The following ADD2 variants were observed in gnomAD, a reference collection of about 807,000 sequenced individuals.
ADD2 encodes adducin 2.
A neutral mutation model predicts 83.0 loss-of-function variants in ADD2; 23 were observed. The observed-to-expected ratio is 0.28, with a 90% CI of 0.20 to 0.39. The LOEUF (loss-of-function observed/expected upper bound fraction) is 0.39, where lower values mean the gene tolerates loss of function less well. Ranked by LOEUF, ADD2 falls within the 10% of genes least tolerant of loss-of-function variation. The pLI is 1.00. For missense variants in ADD2, 758 were observed against 944.9 expected, an observed-to-expected ratio of 0.80 and a Z score of 2.59; for synonymous variants, 375 against 375.4, an observed-to-expected ratio of 1.00 and a Z score of 0.01.
chr2:70,734,338 A>T (rs1673419502), intron 1 of ADD2, among the ~76,000 whole-genome samples: 1 of 151,920 alleles, frequency 6.6e-6, no homozygotes, highest in Non-Finnish European at 1.5e-5. Context: ...CTCCCTCTAA[A>T]ACATCTACCC....
intron 1 of ADD2, among the ~76,000 whole-genome samples, chr2:70,742,096 CT>C (rs1367274068): frequency 6.6e-6 from 1 of 152,240 alleles, no homozygotes; most frequent in Non-Finnish European, 1.5e-5. Flanking sequence ...CCATTATATA[CT>C]ACACCTTTAA....
At position 70,676,420 on chromosome 2, in the gene ADD2, C is replaced by T. The variant is rs1355758784; in HGVS notation, c.1593+376G>A. 4.2e-6 allele frequency: 5 copies of T among 1,194,210 alleles called. No individual in the cohort carries two copies. Among genetic ancestry groups the T allele is most frequent in the Non-Finnish European group, 4.2e-6 (4 of 959,586 alleles). The allele number at this position is 1,194,210 out of a possible 1,614,324, so 74.0% of individuals were successfully genotyped here. A position where few individuals can be genotyped will look rare whatever the true frequency, so the allele number is the denominator to read the frequency against. ...ATACCAGGCTCAGAGGTCAGAGACT[C>T]TCAGGGCTGGGCACACCTGGGGCAC... is the stretch of plus-strand genomic sequence containing the variant. On this transcript the variant is annotated intron_variant, in intron 13 of 15. Coordinates refer to ENST00000264436, the MANE Select transcript of ADD2 (RefSeq NM_001617.4). The surrounding 1 kb of genome is among the most constrained non-coding windows in gnomAD (Gnocchi z 4.8).
intron 1 of ADD2, among the ~76,000 whole-genome samples, chr2:70,745,470 A>ACC (rs1553381830): frequency 6.6e-6 from 1 of 152,166 alleles, no homozygotes; most frequent in African/African-American, 2.4e-5. Context: ...CAGAGTGTGA[A>ACC]CATTGTACTT....
At chr2:70,665,842 T>C (rs1199948274) in intron 15 of ADD2, among the ~76,000 whole-genome samples, 1 of 147,280 alleles carries the variant, frequency 6.8e-6, no homozygotes, top group East Asian at 1.9e-4. Context: ...CCCGAAACAG[T>C]CCTGCTCTGT....
intron 13 of ADD2, 46 bp from the exon 14 acceptor site, chr2:70,674,871 T>C (rs375944055): frequency 1.2e-5 from 19 of 1,589,092 alleles, no homozygotes; most frequent in Non-Finnish European, 1.6e-5. Flanking sequence ...AACGCCGCAG[T>C]TGGGGTGCAG....
At chr2:70,713,867 G>A (rs1481162589) in intron 1 of ADD2, among the ~76,000 whole-genome samples, 1 of 152,024 alleles carries the variant, frequency 6.6e-6, no homozygotes, top group African/African-American at 2.4e-5. Context: ...TAAACTCACA[G>A]ATGCTAATGT....
chr2:70,744,337 A>G (rs1239413396), intron 1 of ADD2, among the ~76,000 whole-genome samples: 1 of 152,258 alleles, frequency 6.6e-6, no homozygotes, highest in Non-Finnish European at 1.5e-5. Context: ...CACACATTGA[A>G]GTATTTATTA....
Position 70,736,658 on chromosome 2 carries a change from T to C in ADD2, c.-153-23474A>G, listed in dbSNP as rs78945703. Among the ~76,000 whole-genome samples the C allele has an allele frequency of 4.8e-3, 726 of 152,354 alleles. 4 individuals carry two copies. The highest frequency in any genetic ancestry group is 0.016 in the African/African-American group (675 of 41,570). On this transcript the variant is annotated intron_variant, in intron 1 of 15. Coordinates refer to ENST00000264436, the MANE Select transcript of ADD2 (RefSeq NM_001617.4). The stretch of plus-strand genomic sequence containing the variant: ...TACATAACTTCTAGAACTTTTCATA[T>C]ACTTTTCAAGAAGCTGCCTAGTTCA...
intron 13 of ADD2, 49 bp from the exon 14 acceptor site, chr2:70,674,874 G>A: frequency 6.3e-7 from 1 of 1,586,888 alleles, no homozygotes; most frequent in Non-Finnish European, 8.6e-7. Flanking sequence ...GCCGCAGTTG[G>A]GGTGCAGGCC....
rs938085338 is a variant in ADD2 at position 70,676,979 on chromosome 2, G to A, written c.1504-94C>T. On this transcript the variant is annotated intron_variant, in intron 12 of 15. Coordinates refer to ENST00000264436, the MANE Select transcript of ADD2 (RefSeq NM_001617.4). The surrounding 1 kb of genome is among the most constrained non-coding windows in gnomAD (Gnocchi z 4.8). ...TACGGGTGTGCCTGGGGTCTAGAAA[G>A]GTCCTCTAGCGGTGTGGGAGCCCGT... The A allele has an allele frequency of 5.0e-5, 77 of 1,530,234 alleles. No individual in the cohort carries two copies. The highest frequency in any genetic ancestry group is 6.5e-5 in the Non-Finnish European group (74 of 1,135,064). The allele number at this position is 1,530,234 out of a possible 1,614,324, so 94.8% of individuals were successfully genotyped here.
intron 12 of ADD2, among the ~76,000 whole-genome samples, chr2:70,677,549 G>A (rs918576199): frequency 6.6e-5 from 10 of 152,216 alleles, no homozygotes; most frequent in Non-Finnish European, 1.3e-4. Flanking sequence ...AAACCAAGCT[G>A]TGCTCTAGGT....
chr2:70,686,299 A>T (rs1039849190), intron 9 of ADD2, among the ~76,000 whole-genome samples: 1 of 152,100 alleles, frequency 6.6e-6, no homozygotes, highest in Non-Finnish European at 1.5e-5. Context: ...GGGGAAAAAA[A>T]GGTCACTGGA....
At chr2:70,749,734 G>T (rs541747507) in intron 1 of ADD2, among the ~76,000 whole-genome samples, 1 of 152,090 alleles carries the variant, frequency 6.6e-6, no homozygotes, top group Admixed American at 6.5e-5. Flanking sequence ...GTAGTTAAAG[G>T]CTGGAAATGG....
intron 4 of ADD2, among the ~76,000 whole-genome samples, chr2:70,699,923 A>C (rs1671503662): frequency 6.6e-6 from 1 of 152,226 alleles, no homozygotes; most frequent in East Asian, 1.9e-4. Context: ...AGTTGGGCAA[A>C]ACAATATTCT....
Position 70,693,766 on chromosome 2 carries a change from T to C in ADD2, c.556-1214A>G, listed in dbSNP as rs372812928. Reference sequence around the variant, plus strand: ...CCTCAGACATGTGGCCTGTTTAGAATTCCCTCTCTCAGATGATCTCTCTCT... The same window carrying C: ...CCTCAGACATGTGGCCTGTTTAGAACTCCCTCTCTCAGATGATCTCTCTCT... On this transcript the variant is annotated intron_variant, in intron 6 of 15. Coordinates refer to ENST00000264436, the MANE Select transcript of ADD2 (RefSeq NM_001617.4). Among the ~76,000 whole-genome samples, 3 of 152,170 alleles carry C rather than the reference T, an allele frequency of 2.0e-5. No homozygotes were observed. The East Asian group carries it at 5.8e-4, about 29-fold the overall frequency.
intron 10 of ADD2, among the ~76,000 whole-genome samples, chr2:70,680,448 G>A (rs1481218695): frequency 6.6e-6 from 1 of 152,190 alleles, no homozygotes; most frequent in Non-Finnish European, 1.5e-5. Context: ...TTGTCATGAG[G>A]TGGAATTAGT....
In ADD2 at chr2:70,685,322, C is replaced by A. The variant is rs539746513; in HGVS notation, c.949-1555G>T. Among the ~76,000 whole-genome samples, 17 of 152,280 alleles carry A rather than the reference C, an allele frequency of 1.1e-4. No individual in the cohort carries two copies. The East Asian group carries it at 2.7e-3, about 24-fold the overall frequency. On this transcript the variant is annotated intron_variant, in intron 9 of 15. Transcript: ENST00000264436. ...TCATTTAACAAATGCCCCTGTGATA[C>A]TTCTCTGAGGTCAGCCAGGCAGCCC...
rs1553374080 is a variant in ADD2, at chr2:70,704,469, G to C, written c.184-10C>G. ...GCTCCTCCCTGAAAGACTGAAGCAG[G>C]CCCCGAGGTGCTTGTCCCCCCACAG... On this transcript the variant is annotated splice_polypyrimidine_tract_variant and intron_variant, in intron 3 of 15. Transcript: ENST00000264436. The C allele has an allele frequency of 6.2e-7, 1 of 1,613,722 alleles. No individual in the cohort carries two copies. The highest frequency in any genetic ancestry group is 1.1e-5 in the South Asian group (1 of 91,036).
At chr2:70,674,020 A>G (rs1670018474) in intron 14 of ADD2, among the ~76,000 whole-genome samples, 1 of 152,190 alleles carries the variant, frequency 6.6e-6, no homozygotes, top group East Asian at 1.9e-4. Flanking sequence ...CAAAAGCTGA[A>G]TTATGTGTCT....
Sources: allele counts gnomAD v4.1 joint callset (sites outside exome capture counted in the v4.1 genomes callset), GRCh38; gene constraint gnomAD v4.1.1; non-coding constraint Gnocchi (gnomAD v3.1); transcripts MANE v1.5; gene names NCBI Gene and HGNC (gene_info 2026-07-23, HGNC 2026-07-21).